The following PPP2R2A variants were observed in gnomAD, a reference collection of about 807,000 sequenced individuals.
The protein encoded by PPP2R2A is serine/threonine-protein phosphatase 2A 55 kDa regulatory subunit B alpha isoform.
In PPP2R2A, 9 loss-of-function variants were observed where a neutral mutation model predicts 53.2. That is an observed-to-expected ratio of 0.17 (90% CI 0.10 to 0.30). The LOEUF (loss-of-function observed/expected upper bound fraction) is 0.30. Ranked by LOEUF, PPP2R2A falls within the 10% of genes least tolerant of loss-of-function variation. The probability of loss-of-function intolerance (pLI) is 1.00; values close to 1 mark genes in which losing one functional copy is unlikely to be tolerated. For synonymous variants in PPP2R2A, 169 were observed against 174.2 expected (o/e 0.97, Z 0.23); for missense variants, 235 against 534.6 (o/e 0.44, Z 5.53).
At chr8:26,312,255 T>C (rs1056182890) in intron 2 of PPP2R2A, among the ~76,000 whole-genome samples, 2 of 152,236 alleles carry the variant, frequency 1.3e-5, no homozygotes, top group Admixed American at 6.5e-5. Context: ...TTAAAAGAGT[T>C]GTATTGGCCT....
At chr8:26,309,278 CTA>C (rs1455825634) in intron 2 of PPP2R2A, among the ~76,000 whole-genome samples, 1 of 151,782 alleles carries the variant, frequency 6.6e-6, no homozygotes, top group East Asian at 1.9e-4. Context: ...TTGTCCCTCT[CTA>C]TCAGAGTTCT....
intron 2 of PPP2R2A, among the ~76,000 whole-genome samples, chr8:26,308,371 C>G (rs1357433900): frequency 6.6e-6 from 1 of 151,702 alleles, no homozygotes; most frequent in Non-Finnish European, 1.5e-5. Flanking sequence ...GCATTTTATC[C>G]ACAGTAGAAC....
At chr8:26,293,983 A>G (rs1257514099) in intron 2 of PPP2R2A, 8 of 458,514 alleles carry the variant, frequency 1.7e-5, no homozygotes, top group African/African-American at 7.9e-5. Context: ...ATGATGAGAC[A>G]TATAAGATCC....
chr8:26,315,761 T>C (rs1403661500), intron 2 of PPP2R2A, among the ~76,000 whole-genome samples: 1 of 152,246 alleles, frequency 6.6e-6, no homozygotes, highest in Non-Finnish European at 1.5e-5. Flanking sequence ...TTCCTTCTGC[T>C]GTTGCCTTGC....
At chr8:26,336,333 A>G (rs556410958) in intron 2 of PPP2R2A, among the ~76,000 whole-genome samples, 63 of 152,164 alleles carry the variant, frequency 4.1e-4, no homozygotes, top group African/African-American at 1.3e-3. Flanking sequence ...GGGAGCTGAT[A>G]TGGGAAGATT....
chr8:26,366,147 GT>G, intron 8 of PPP2R2A, 167 bp from the exon 9 acceptor site: 1 of 572,196 alleles, frequency 1.7e-6, no homozygotes, highest in Admixed American at 3.6e-5. Flanking sequence ...GGGCTTGTGT[GT>G]TTTGTAAAAG....
Position 26,360,632 on chromosome 8 carries a change from A to T in PPP2R2A, c.460-342A>T, listed in dbSNP as rs917847019. 5 of 293,442 alleles carry T rather than the reference A, an allele frequency of 1.7e-5. No individual in the cohort carries two copies. The highest frequency in any genetic ancestry group is 2.5e-5 in the Non-Finnish European group (4 of 161,610). The allele number at this position is 293,442 out of a possible 1,614,324, so 18.2% of individuals were successfully genotyped here. Reference sequence around the variant, plus strand: ...CAAATCTTCTAGTTGTAGCTAAAAAATACCAAGAATTAGATGTTATGGGTT... The same window carrying T: ...CAAATCTTCTAGTTGTAGCTAAAAATTACCAAGAATTAGATGTTATGGGTT... On this transcript the variant is annotated intron_variant, in intron 5 of 9. Transcript: ENST00000380737. This position sits in a 1 kb window ranked among gnomAD's most constrained non-coding sequence, Gnocchi z 4.5.
In PPP2R2A at chr8:26,362,675, G is replaced by A. The variant is rs1251564220; in HGVS notation, c.638-9G>A. Reference sequence around the variant, plus strand: ...CTAAGTGGAAATTCCTTAATAAAATGTTATCTAGACATTGTGGATATCAAG... The same window carrying A: ...CTAAGTGGAAATTCCTTAATAAAATATTATCTAGACATTGTGGATATCAAG... On this transcript the variant is annotated splice_polypyrimidine_tract_variant and intron_variant, in intron 6 of 9. Transcript: ENST00000380737. This position sits in a 1 kb window ranked among gnomAD's most constrained non-coding sequence, Gnocchi z 4.4. The A allele has an allele frequency of 5.0e-6, 8 of 1,609,976 alleles. No individual in the cohort carries two copies. Among genetic ancestry groups the A allele is most frequent in the Non-Finnish European group, 6.8e-6 (8 of 1,177,966 alleles).
At chr8:26,363,005 C>A in intron 7 of PPP2R2A, 157 bp downstream of exon 7, 1 of 630,738 alleles carries the variant, frequency 1.6e-6, no homozygotes, top group Non-Finnish European at 2.7e-6. Flanking sequence ...CCTCATGAGG[C>A]ATTCCAGGTT....
intron 1 of PPP2R2A, 127 bp downstream of exon 1, chr8:26,291,953 G>C: frequency 7.5e-7 from 1 of 1,325,732 alleles, no homozygotes; most frequent in Non-Finnish European, 1.0e-6. Flanking sequence ...GAGGGAGTAG[G>C]GTCCAGAGGG....
Position 26,370,143 on chromosome 8 carries a change from G to T in PPP2R2A, c.1074G>T (p.Met358Ile). Reference sequence around the variant, plus strand: ...CTGTCTATTTTCACAGTGTTGTCATGACTGGATCTTACAATAATTTCTTCA... The same window carrying T: ...CTGTCTATTTTCACAGTGTTGTCATTACTGGATCTTACAATAATTTCTTCA... ...CCWNGSDSVV[M>I]TGSYNNFFRM... The change falls in exon 10 of 10, where the codon ATG becomes ATT. Residue 358 changes from methionine to isoleucine, a missense_variant. By Grantham distance (10) the Met-to-Ile change is conservative. Coordinates refer to ENST00000380737, the MANE Select transcript of PPP2R2A (RefSeq NM_002717.4). The surrounding 1 kb of genome is among the most constrained non-coding windows in gnomAD (Gnocchi z 6.1). 1 of 1,613,866 alleles carries T rather than the reference G, an allele frequency of 6.2e-7. No homozygotes were observed. Among genetic ancestry groups the T allele is most frequent in the South Asian group, 1.1e-5 (1 of 91,002 alleles).
At chr8:26,363,420 T>G in intron 7 of PPP2R2A, 1 of 223,406 alleles carries the variant, frequency 4.5e-6, no homozygotes, top group Non-Finnish European at 8.7e-6. Context: ...GTGAGGCATA[T>G]TGCAGGAATA....
At chr8:26,363,219 A>AC in intron 7 of PPP2R2A, 1 of 156,980 alleles carries the variant, frequency 6.4e-6, no homozygotes, top group Admixed American at 6.7e-5. Flanking sequence ...TTAAAAAAAA[A>AC]AAAAAAAAAA....
chr8:26,337,876 G>T (rs1803747155), intron 2 of PPP2R2A, among the ~76,000 whole-genome samples: 1 of 152,186 alleles, frequency 6.6e-6, no homozygotes, highest in African/African-American at 2.4e-5. Context: ...CAAAATCTGG[G>T]CTTTAAAAAA....
chr8:26,366,894 A>T (rs539859034), intron 9 of PPP2R2A, among the ~76,000 whole-genome samples: 2 of 152,252 alleles, frequency 1.3e-5, no homozygotes, highest in Admixed American at 1.3e-4. Flanking sequence ...TGCTTTTTAT[A>T]ATTTCCAGTT....
chr8:26,293,455 A>T, intron 1 of PPP2R2A: 1 of 697,322 alleles, frequency 1.4e-6, no homozygotes, highest in Non-Finnish European at 2.3e-6. Flanking sequence ...TGTGCCTTTA[A>T]ATATTTCGTA....
In PPP2R2A at chr8:26,336,386, AC is replaced by A. The variant is rs1434442279; in HGVS notation, c.83-2502del. On this transcript the variant is annotated intron_variant, in intron 2 of 9. Coordinates refer to ENST00000380737, the MANE Select transcript of PPP2R2A (RefSeq NM_002717.4). ...CAAGGCTGCAGTGAGGTATGATTGAACCACTGCATTCCAGCTGGGGCAACAA... is the reference window on the plus strand; with the variant it reads ...CAAGGCTGCAGTGAGGTATGATTGAACACTGCATTCCAGCTGGGGCAACAA... 4.6e-5 allele frequency among the ~76,000 whole-genome samples: 7 copies of A among 152,056 alleles called. No individual in the cohort carries two copies. The East Asian group carries it at 1.4e-3, about 29-fold the overall frequency.
chr8:26,360,757 G>A lies in PPP2R2A; in HGVS notation c.460-217G>A. The A allele has an allele frequency of 2.1e-6, 1 of 482,144 alleles. No individual in the cohort carries two copies. The highest frequency in any genetic ancestry group is 3.9e-5 in the South Asian group (1 of 25,858). 29.9% of individuals were successfully genotyped at this position (482,144 alleles called of 1,614,324 possible). A position where few individuals can be genotyped will look rare whatever the true frequency, so the allele number is the denominator to read the frequency against. ...AAACTAAGAACTGCAAATTCTAATA[G>A]TATTGCAACCAGTAAAAGAAGATAT... On this transcript the variant is annotated intron_variant, in intron 5 of 9. Transcript: ENST00000380737. The surrounding 1 kb of genome is among the most constrained non-coding windows in gnomAD (Gnocchi z 4.5).
chr8:26,329,364 C>A (rs969681219), intron 2 of PPP2R2A, among the ~76,000 whole-genome samples: 1 of 152,062 alleles, frequency 6.6e-6, no homozygotes, highest in Non-Finnish European at 1.5e-5. Context: ...CATCACTGTT[C>A]CTGTCTTCTA....
Sources: gnomAD v4.1 joint callset for allele counts (sites outside exome capture counted in the v4.1 genomes callset) on GRCh38, gnomAD v4.1.1 for gene constraint, Gnocchi (gnomAD v3.1) non-coding constraint, MANE v1.5 for transcripts, NCBI Gene and HGNC (gene_info 2026-07-23, HGNC 2026-07-21) for gene names.